Variants in ASIC1 observed in about 807,000 individuals in gnomAD.
The protein encoded by ASIC1 is acid-sensing ion channel 1.
A neutral mutation model predicts 63.4 loss-of-function variants in ASIC1; 21 were observed. The ratio of observed to expected loss-of-function variants is 0.33; its 90% CI spans 0.23 to 0.48. ASIC1 has a LOEUF of 0.48. Ranked by LOEUF, ASIC1 falls within the 20% of genes least tolerant of loss-of-function variation. ASIC1 has a pLI of 0.99. For missense variants in ASIC1, 478 were observed against 695.5 expected, an observed-to-expected ratio of 0.69 and a Z score of 3.52; for synonymous variants, 258 against 278.2, an observed-to-expected ratio of 0.93 and a Z score of 0.72.
At chr12:50,058,218 C>T (rs1161559192) in intron 1 of ASIC1, among the ~76,000 whole-genome samples, 1 of 152,118 alleles carries the variant, frequency 6.6e-6, no homozygotes, top group Non-Finnish European at 1.5e-5. Context: ...TGGAGACACC[C>T]GCAGGTGAGG....
intron 3 of ASIC1, among the ~76,000 whole-genome samples, chr12:50,064,370 C>G (rs551004231): frequency 2.6e-5 from 4 of 152,276 alleles, no homozygotes; most frequent in East Asian, 3.9e-4. Context: ...TTTTGCCTCT[C>G]TCTCAGACAC....
At chr12:50,075,253 G>A (rs1156493354) in intron 3 of ASIC1, among the ~76,000 whole-genome samples, 1 of 152,124 alleles carries the variant, frequency 6.6e-6, no homozygotes, top group Non-Finnish European at 1.5e-5. Flanking sequence ...AGGCATACAG[G>A]GGCCTGGGGG....
intron 3 of ASIC1, among the ~76,000 whole-genome samples, chr12:50,066,124 A>G (rs1950542948): frequency 6.6e-6 from 1 of 152,222 alleles, no homozygotes. Context: ...CAGAGCACAT[A>G]CTAGCAAAAT....
intron 3 of ASIC1, among the ~76,000 whole-genome samples, chr12:50,071,652 C>T (rs1007724679): frequency 6.7e-6 from 1 of 150,252 alleles, no homozygotes; most frequent in Admixed American, 6.6e-5. Flanking sequence ...GAGAGAAGGT[C>T]TTTACTTTTT....
Position 50,074,215 on chromosome 12 carries a change from G to C in ASIC1, c.559-2998G>C. On this transcript the variant is annotated intron_variant, in intron 3 of 11. Coordinates refer to ENST00000447966, the MANE Select transcript of ASIC1 (RefSeq NM_001095.4). This position sits in a 1 kb window ranked among gnomAD's most constrained non-coding sequence, Gnocchi z 4.2. The stretch of plus-strand genomic sequence containing the variant: ...GCTGCTCTATTGCTCCTACCAAGGG[G>C]GACCCTGCGGCCCTCACAACTTCTC... 6.6e-7 allele frequency: 1 copy of C among 1,507,280 alleles called. No individual in the cohort carries two copies. Among genetic ancestry groups the C allele is most frequent in the Non-Finnish European group, 8.8e-7 (1 of 1,131,404 alleles). The allele number at this position is 1,507,280 out of a possible 1,614,324, so 93.4% of individuals were successfully genotyped here.
intron 3 of ASIC1, 92 bp from the exon 4 acceptor site, chr12:50,077,121 T>G: frequency 8.4e-4 from 1,307 of 1,553,816 alleles, no homozygotes; most frequent in Non-Finnish European, 1.1e-3. Flanking sequence ...CAAAGGGTGT[T>G]GAGATTCCAA....
intron 8 of ASIC1, 160 bp downstream of exon 8, chr12:50,080,215 A>T (rs1592280221): frequency 1.0e-6 from 1 of 995,670 alleles, no homozygotes; most frequent in East Asian, 2.6e-5. Context: ...TATGCAGGGA[A>T]GATCAAGCCA....
chr12:50,080,271 T>C (rs1950701880), intron 8 of ASIC1: 7 of 777,068 alleles, frequency 9.0e-6, no homozygotes, highest in African/African-American at 1.8e-5. Flanking sequence ...TCATCCTCAT[T>C]GTTGTAACCG....
Position 50,074,354 on chromosome 12 carries a change from G to C in ASIC1, c.559-2859G>C, listed in dbSNP as rs887131031. 3 of 1,411,152 alleles carry C rather than the reference G, an allele frequency of 2.1e-6. No individual in the cohort carries two copies. Among genetic ancestry groups the C allele is most frequent in the Non-Finnish European group, 2.8e-6 (3 of 1,084,296 alleles). 87.4% of individuals were successfully genotyped at this position (1,411,152 alleles called of 1,614,324 possible). ...GGGGCTGGGGCTGGGGCTGATGACT[G>C]TGCTGCCCCCTACCTCATCTGGCTG... On this transcript the variant is annotated intron_variant, in intron 3 of 11. Coordinates refer to ENST00000447966, the MANE Select transcript of ASIC1 (RefSeq NM_001095.4). This position sits in a 1 kb window ranked among gnomAD's most constrained non-coding sequence, Gnocchi z 4.2.
chr12:50,074,427 G>T lies in ASIC1; in HGVS notation c.559-2786G>T, dbSNP rs1950633000. On this transcript the variant is annotated intron_variant, in intron 3 of 11. Transcript: ENST00000447966. The surrounding 1 kb of genome is among the most constrained non-coding windows in gnomAD (Gnocchi z 4.2). ...GAGTCCGGGGCCTGGAGCTGGGCTG[G>T]TATTCCCAGGTCCACACCAGTGCTG... 1.3e-5 allele frequency among the ~76,000 whole-genome samples: 2 copies of T among 152,186 alleles called. No individual in the cohort carries two copies. The highest frequency in any genetic ancestry group is 2.9e-5 in the Non-Finnish European group (2 of 68,032).
chr12:50,059,732 C>T lies in ASIC1; in HGVS notation c.363-27C>T, dbSNP rs954648583. The T allele has an allele frequency of 1.8e-5, 29 of 1,604,452 alleles. No homozygotes were observed. The highest frequency in any genetic ancestry group is 3.4e-5 in the South Asian group (3 of 89,420). ...CAGGACACTGATGACTGTACTGACC[C>T]GTGTGTCACTCACCCCCGGACCCCA... On this transcript the variant is annotated intron_variant, in intron 2 of 11. Coordinates refer to ENST00000447966, the MANE Select transcript of ASIC1 (RefSeq NM_001095.4). This position sits in a 1 kb window ranked among gnomAD's most constrained non-coding sequence, Gnocchi z 4.6.
chr12:50,065,530 C>T (rs894878781), intron 3 of ASIC1, among the ~76,000 whole-genome samples: 10 of 152,328 alleles, frequency 6.6e-5, no homozygotes, highest in South Asian at 6.2e-4. Context: ...TGTGCAGCGC[C>T]AACCTACCTG....
At chr12:50,079,002 C>T in intron 7 of ASIC1, 22 bp downstream of exon 7, 2 of 1,612,178 alleles carry the variant, frequency 1.2e-6, no homozygotes, top group Non-Finnish European at 1.7e-6. Context: ...TGGCCTGGGG[C>T]AGTCTGGGGG....
Position 50,078,726 on chromosome 12 carries a change from C to A in ASIC1, c.994+149C>A. On this transcript the variant is annotated intron_variant, in intron 6 of 11. Transcript: ENST00000447966. The surrounding 1 kb of genome is among the most constrained non-coding windows in gnomAD (Gnocchi z 6.0). ...CTCATGTCTCTCTGACCTCAGTTCC[C>A]GCCTGCACCCCCAGGGATGGGTGGG... The A allele has an allele frequency of 7.3e-7, 1 of 1,377,434 alleles. No individual in the cohort carries two copies. 85.3% of individuals were successfully genotyped at this position (1,377,434 alleles called of 1,614,324 possible).
intron 4 of ASIC1, 50 bp downstream of exon 4, chr12:50,077,413 T>C (rs763905221): frequency 1.4e-5 from 23 of 1,608,264 alleles, no homozygotes; most frequent in Non-Finnish European, 1.8e-5. Flanking sequence ...GGCCCCAGCC[T>C]CTGCCAGGGG....
chr12:50,073,707 G>A (rs1017512622), intron 3 of ASIC1: 5 of 1,536,582 alleles, frequency 3.3e-6, no homozygotes, highest in Non-Finnish European at 4.4e-6. Flanking sequence ...AATCGGAAGA[G>A]GAGGAAGAAG....
chr12:50,065,917 C>T (rs1190174238), intron 3 of ASIC1, among the ~76,000 whole-genome samples: 1 of 152,254 alleles, frequency 6.6e-6, no homozygotes, highest in Non-Finnish European at 1.5e-5. Context: ...GCAGCCATCT[C>T]AGACTTCCTC....
intron 3 of ASIC1, among the ~76,000 whole-genome samples, chr12:50,066,195 ATCT>A (rs796568783): frequency 3.9e-4 from 59 of 152,306 alleles, no homozygotes; most frequent in Admixed American, 1.4e-3. Context: ...AGCTCACGTG[ATCT>A]TCATAATTCT....
At chr12:50,073,502 T>C in intron 3 of ASIC1, 1 of 1,438,302 alleles carries the variant, frequency 7.0e-7, no homozygotes, top group African/African-American at 1.4e-5. Context: ...TGCCGGACTC[T>C]GCCTGGAGTC....
Sources: gnomAD v4.1 joint callset for allele counts (sites outside exome capture counted in the v4.1 genomes callset) on GRCh38, gnomAD v4.1.1 for gene constraint, Gnocchi (gnomAD v3.1) non-coding constraint, MANE v1.5 for transcripts, NCBI Gene and HGNC (gene_info 2026-07-23, HGNC 2026-07-21) for gene names.